Variants in HSD17B14 observed in about 807,000 individuals in gnomAD.
HSD17B14 encodes the protein L-fucose dehydrogenase.
A neutral mutation model predicts 32.2 loss-of-function variants in HSD17B14; 32 were observed. The ratio of observed to expected loss-of-function variants is 0.99; its 90% CI spans 0.75 to 1.33. The LOEUF (loss-of-function observed/expected upper bound fraction) is 1.33. Among genes scored for constraint, HSD17B14 ranks in the 40% most tolerant of loss-of-function variants. The pLI, the probability that HSD17B14 is intolerant of heterozygous loss-of-function variation, is 0.00. For missense variants in HSD17B14, 370 were observed against 366.5 expected, an observed-to-expected ratio of 1.01 and a Z score of -0.08; for synonymous variants, 140 against 155.4, an observed-to-expected ratio of 0.90 and a Z score of 0.74.
rs747155340 is a variant in HSD17B14 at position 48,834,296 on chromosome 19, T to C, written c.190A>G (p.Thr64Ala). The C allele has an allele frequency of 9.9e-6, 16 of 1,613,838 alleles. No individual in the cohort carries two copies. In the African/African-American group the frequency reaches 1.5e-4, roughly 15 times the overall value. Residue 64 changes from threonine (T) to alanine (A), a missense_variant, in exon 3 of 9, where the codon ACT becomes GCT. Transcript: ENST00000263278. ...PGAVFILCDVTQEDDVKTLVS... is the reference protein window; with the variant it reads ...PGAVFILCDVAQEDDVKTLVS... ...CTTACCTTCACATCATCTTCCTGAG[T>C]CACATCACAGAGGATAAAGACAGCT...
chr19:48,818,303 T>A (rs1326263746), intron 5 of HSD17B14, among the ~76,000 whole-genome samples: 1 of 128,630 alleles, frequency 7.8e-6, no homozygotes, highest in Non-Finnish European at 1.6e-5. Flanking sequence ...AGATAAAGAC[T>A]GTCTCAAAAA....
At chr19:48,816,539 A>AT (rs1340372877) in intron 5 of HSD17B14, among the ~76,000 whole-genome samples, 1 of 151,994 alleles carries the variant, frequency 6.6e-6, no homozygotes, top group Non-Finnish European at 1.5e-5. Context: ...GGGACATGGT[A>AT]TTTTCAGTCC....
intron 5 of HSD17B14, among the ~76,000 whole-genome samples, chr19:48,827,547 G>GTT (rs141150187): frequency 6.7e-6 from 1 of 150,270 alleles, no homozygotes; most frequent in East Asian, 2.0e-4. Context: ...CTTCTCCTTC[G>GTT]TTTTTTTTTA....
chr19:48,835,700 C>T, intron 2 of HSD17B14, 105 bp downstream of exon 2: 3 of 1,151,748 alleles, frequency 2.6e-6, no homozygotes, highest in Non-Finnish European at 3.9e-6. Context: ...GAAGTAGGGC[C>T]TGGGGGCCTG....
rs141772243 is a variant in HSD17B14, at chr19:48,835,825, A to T, written c.107T>A (p.Val36Glu). 31 of 1,613,492 alleles carry T rather than the reference A, an allele frequency of 1.9e-5. No individual in the cohort carries two copies. The African/African-American group carries it at 3.2e-4, about 17-fold the overall frequency. Reference protein sequence around the residue: ...VRAFVNSGARVVICDKDESGG... With the variant: ...VRAFVNSGAREVICDKDESGG... ...CTCACCATCCTTGTCGCAGATAACC[A>T]CTCGGGCCCCGCTGTTCACTGAGAA... Residue 36 changes from valine to glutamate, a missense_variant, in exon 2 of 9, where the codon GTG becomes GAG. Physicochemically the swap from Val to Glu is moderately radical, Grantham distance 121 (BLOSUM62 -2). Coordinates refer to ENST00000263278, the MANE Select transcript of HSD17B14 (RefSeq NM_016246.3).
chr19:48,832,604 C>G, intron 4 of HSD17B14, 62 bp downstream of exon 4: 1 of 1,412,760 alleles, frequency 7.1e-7, no homozygotes, highest in Non-Finnish European at 9.9e-7. Flanking sequence ...GGGAAACTGA[C>G]GTGCAGGAAA....
chr19:48,828,105 C>T (rs939759917), intron 5 of HSD17B14, among the ~76,000 whole-genome samples: 7 of 151,738 alleles, frequency 4.6e-5, no homozygotes, highest in East Asian at 1.9e-4. Flanking sequence ...CCGCCGGCCT[C>T]GGCCTCCCAA....
intron 5 of HSD17B14, among the ~76,000 whole-genome samples, chr19:48,822,221 TG>T (rs1386012918): frequency 7.0e-6 from 1 of 143,498 alleles, no homozygotes; most frequent in Non-Finnish European, 1.5e-5. Context: ...AGGTTGGGGA[TG>T]GTAATGATGG....
At chr19:48,832,572 A>G in intron 4 of HSD17B14, 94 bp downstream of exon 4, 2 of 1,088,190 alleles carry the variant, frequency 1.8e-6, no homozygotes, top group Non-Finnish European at 1.4e-6. Context: ...AGGCAGGATG[A>G]GGGAATCAGG....
chr19:48,828,102 C>G (rs912442164), intron 5 of HSD17B14, among the ~76,000 whole-genome samples: 14 of 152,154 alleles, frequency 9.2e-5, no homozygotes, highest in African/African-American at 3.4e-4. Flanking sequence ...GATCCGCCGG[C>G]CTCGGCCTCC....
intron 5 of HSD17B14, among the ~76,000 whole-genome samples, chr19:48,816,191 G>A (rs940752441): frequency 6.6e-6 from 1 of 151,904 alleles, no homozygotes; most frequent in Admixed American, 6.6e-5. Context: ...CTTTGATCTC[G>A]CTTGCCTTAG....
chr19:48,818,699 A>G (rs2035097700), intron 5 of HSD17B14, among the ~76,000 whole-genome samples: 1 of 152,054 alleles, frequency 6.6e-6, no homozygotes, highest in African/African-American at 2.4e-5. Flanking sequence ...CACCTGCTCT[A>G]TATCAAGGAC....
chr19:48,822,031 GTGATGGTGA>G (rs1230765774), intron 5 of HSD17B14, among the ~76,000 whole-genome samples: 2 of 151,474 alleles, frequency 1.3e-5, no homozygotes. Context: ...GGTGATGGTG[GTGATGGTGA>G]TGATTGTGGT....
intron 5 of HSD17B14, among the ~76,000 whole-genome samples, chr19:48,822,447 T>C (rs1215351337): frequency 1.1e-5 from 1 of 90,610 alleles, no homozygotes; most frequent in Non-Finnish European, 2.4e-5. Context: ...GTAGTGATGG[T>C]GGTGATGATG....
intron 5 of HSD17B14, among the ~76,000 whole-genome samples, chr19:48,815,427 C>G (rs528656926): frequency 1.3e-5 from 2 of 152,184 alleles, no homozygotes; most frequent in South Asian, 4.2e-4. Flanking sequence ...GTCCCTTCTC[C>G]CTTGGTCTTT....
intron 3 of HSD17B14, among the ~76,000 whole-genome samples, chr19:48,833,400 G>C (rs2035381533): frequency 6.6e-6 from 1 of 152,148 alleles, no homozygotes; most frequent in South Asian, 2.1e-4. Flanking sequence ...GAAAAAATCA[G>C]TTACATACAG....
intron 5 of HSD17B14, among the ~76,000 whole-genome samples, chr19:48,829,413 A>G (rs10420490): frequency 0.075 from 11,376 of 151,488 alleles, 1,212 homozygotes; most frequent in African/African-American, 0.24. Context: ...GTGTAGTGGC[A>G]CAATCTCAGC....
intron 5 of HSD17B14, among the ~76,000 whole-genome samples, chr19:48,823,486 G>A (rs546434230): frequency 1.2e-4 from 18 of 151,844 alleles, no homozygotes; most frequent in South Asian, 6.2e-4. Context: ...TCATTGTGTC[G>A]TAATATACTT....
intron 3 of HSD17B14, among the ~76,000 whole-genome samples, chr19:48,833,782 C>T (rs1467109510): frequency 6.6e-6 from 1 of 151,544 alleles, no homozygotes. Flanking sequence ...GCCGAGATCA[C>T]ACCATTGCAC....
Sources: gnomAD v4.1 joint callset for allele counts (sites outside exome capture counted in the v4.1 genomes callset) on GRCh38, gnomAD v4.1.1 for gene constraint, MANE v1.5 for transcripts, NCBI Gene and HGNC (gene_info 2026-07-23, HGNC 2026-07-21) for gene names.